The following CMTM8 variants were observed in gnomAD, a reference collection of about 807,000 sequenced individuals.
CMTM8 encodes the protein CKLF like MARVEL transmembrane domain containing 8.
In CMTM8, 12 loss-of-function variants were observed where a neutral mutation model predicts 18.6. The observed-to-expected ratio is 0.65, with a 90% CI of 0.41 to 1.05. CMTM8 has a LOEUF of 1.05. CMTM8 is among the 50% of genes least tolerant of loss of function. CMTM8 has a pLI of 0.00. For synonymous variants in CMTM8, 87 were observed against 90.6 expected (o/e 0.96, Z 0.23); for missense variants, 217 against 227.2 (o/e 0.95, Z 0.29).
Position 32,265,951 on chromosome 3 carries a change from G to A in CMTM8, c.147+26832G>A, listed in dbSNP as rs558666305. ...GACCAATAACAGGCTCTGAAATTGAGGCAATAATTAATAGCTTACCAACCA... is the reference window on the plus strand; with the variant it reads ...GACCAATAACAGGCTCTGAAATTGAAGCAATAATTAATAGCTTACCAACCA... On this transcript the variant is annotated intron_variant, in intron 1 of 3. Transcript: ENST00000307526. Among the ~76,000 whole-genome samples, 21 of 152,304 alleles carry A rather than the reference G, an allele frequency of 1.4e-4. No homozygotes were observed. In the South Asian group the frequency reaches 3.7e-3, roughly 27 times the overall value.
chr3:32,260,664 T>TAA (rs1235238776), intron 1 of CMTM8, among the ~76,000 whole-genome samples: 3 of 113,974 alleles, frequency 2.6e-5, no homozygotes, highest in Non-Finnish European at 1.8e-5. Context: ...GTGATTTTTT[T>TAA]AAAGTTTTTT....
At chr3:32,260,358 A>G in intron 1 of CMTM8, 1 of 540,272 alleles carries the variant, frequency 1.9e-6, no homozygotes, top group Non-Finnish European at 3.3e-6. Flanking sequence ...TATTTTGCCT[A>G]TATTTTTCAT....
At chr3:32,240,809 A>G (rs1335125813) in intron 1 of CMTM8, among the ~76,000 whole-genome samples, 1 of 152,036 alleles carries the variant, frequency 6.6e-6, no homozygotes, top group Admixed American at 6.6e-5. Flanking sequence ...TTGTTTTGAG[A>G]CAGGGTTTTG....
chr3:32,356,977 G>A (rs1443757404), intron 1 of CMTM8, among the ~76,000 whole-genome samples: 3 of 152,194 alleles, frequency 2.0e-5, no homozygotes, highest in African/African-American at 7.2e-5. Flanking sequence ...GTTGGTCCCT[G>A]CCTGGACTGC....
At chr3:32,284,278 AT>A (rs1460676835) in intron 1 of CMTM8, among the ~76,000 whole-genome samples, 2 of 152,230 alleles carry the variant, frequency 1.3e-5, no homozygotes, top group African/African-American at 4.8e-5. Flanking sequence ...TAACAAAAAA[AT>A]ATATACACTT....
intron 1 of CMTM8, among the ~76,000 whole-genome samples, chr3:32,291,654 A>G (rs998328319): frequency 6.6e-6 from 1 of 152,246 alleles, no homozygotes; most frequent in Non-Finnish European, 1.5e-5. Context: ...AGGGATGAGT[A>G]GTAGCCACTT....
At chr3:32,275,013 C>A (rs1702494031) in intron 1 of CMTM8, among the ~76,000 whole-genome samples, 1 of 152,032 alleles carries the variant, frequency 6.6e-6, no homozygotes, top group African/African-American at 2.4e-5. Context: ...AATCACTTTT[C>A]TTTTTTAAAA....
At chr3:32,314,117 G>A (rs1388369846) in intron 1 of CMTM8, among the ~76,000 whole-genome samples, 1 of 152,198 alleles carries the variant, frequency 6.6e-6, no homozygotes, top group Non-Finnish European at 1.5e-5. Flanking sequence ...CATTTTGGAG[G>A]CTAGTACAGC....
chr3:32,349,643 G>A (rs1225453913), intron 1 of CMTM8, among the ~76,000 whole-genome samples: 1 of 152,156 alleles, frequency 6.6e-6, no homozygotes, highest in Non-Finnish European at 1.5e-5. Context: ...CATCAAGTAC[G>A]TAGAGGACAG....
intron 1 of CMTM8, among the ~76,000 whole-genome samples, chr3:32,292,813 G>A (rs575804784): frequency 1.5e-3 from 223 of 152,160 alleles, no homozygotes; most frequent in Middle Eastern, 6.8e-3. Context: ...TCCAGATGTT[G>A]CCAAATGCTC....
At chr3:32,305,989 A>G (rs534307611) in intron 1 of CMTM8, among the ~76,000 whole-genome samples, 1 of 152,264 alleles carries the variant, frequency 6.6e-6, no homozygotes, top group East Asian at 1.9e-4. Context: ...TGTTGCTTTG[A>G]ATTGCTTTCC....
chr3:32,353,630 G>A (rs1342984169), intron 1 of CMTM8, among the ~76,000 whole-genome samples: 1 of 152,130 alleles, frequency 6.6e-6, no homozygotes, highest in African/African-American at 2.4e-5. Context: ...ATATTTATAA[G>A]GAAGAAAGAG....
chr3:32,265,637 A>T (rs1351927723), intron 1 of CMTM8, among the ~76,000 whole-genome samples: 5 of 152,162 alleles, frequency 3.3e-5, no homozygotes, highest in Admixed American at 3.3e-4. Context: ...GACACAAAAA[A>T]CCCTTCAAAA....
chr3:32,347,280 TG>T (rs1696615329), intron 1 of CMTM8, among the ~76,000 whole-genome samples: 1 of 142,640 alleles, frequency 7.0e-6, no homozygotes, highest in Non-Finnish European at 1.5e-5. Context: ...TTTTGGTTTT[TG>T]GTTTTTTTTG....
intron 1 of CMTM8, among the ~76,000 whole-genome samples, chr3:32,244,551 C>T (rs1385946740): frequency 6.6e-6 from 1 of 152,148 alleles, no homozygotes; most frequent in Non-Finnish European, 1.5e-5. Flanking sequence ...TCCTTTTATA[C>T]TTTTTTCTTT....
In CMTM8 at chr3:32,238,899, G is replaced by A. The variant is rs1411408578; in HGVS notation, c.-74G>A. On this transcript the variant is annotated 5_prime_UTR_variant, in exon 1 of 4. Coordinates refer to ENST00000307526, the MANE Select transcript of CMTM8 (RefSeq NM_178868.5). ...CCCTCCCCCGCGCCTGTGTCCCCAGGGCGCAGGGCCGCGCGTCCAGCCCCA... is the reference window on the plus strand; with the variant it reads ...CCCTCCCCCGCGCCTGTGTCCCCAGAGCGCAGGGCCGCGCGTCCAGCCCCA... 15 of 1,384,314 alleles carry A rather than the reference G, an allele frequency of 1.1e-5. No individual in the cohort carries two copies. Among genetic ancestry groups the A allele is most frequent in the Admixed American group, 6.4e-5 (2 of 31,488 alleles). 85.8% of individuals were successfully genotyped at this position (1,384,314 alleles called of 1,614,324 possible).
chr3:32,305,241 T>TTC (rs1186533032), intron 1 of CMTM8, among the ~76,000 whole-genome samples: 1 of 150,980 alleles, frequency 6.6e-6, no homozygotes. Context: ...GCTTTTTTTT[T>TTC]TTTTTTTCAG....
At chr3:32,298,781 C>T (rs1231863410) in intron 1 of CMTM8, among the ~76,000 whole-genome samples, 1 of 143,826 alleles carries the variant, frequency 7.0e-6, no homozygotes, top group African/African-American at 2.6e-5. Context: ...TAGGGGCATG[C>T]GCCACCACAC....
chr3:32,319,827 A>AGGAAACAACCCTTGGAAGTATT (rs1696007718), intron 1 of CMTM8, among the ~76,000 whole-genome samples: 1 of 152,252 alleles, frequency 6.6e-6, no homozygotes, highest in Non-Finnish European at 1.5e-5. Context: ...ACAGCCCTTG[A>AGGAAACAACCCTTGGAAGTATT]GGAAACAACC....
Sources: gnomAD v4.1 joint callset for allele counts (sites outside exome capture counted in the v4.1 genomes callset) on GRCh38, gnomAD v4.1.1 for gene constraint, MANE v1.5 for transcripts, NCBI Gene and HGNC (gene_info 2026-07-23, HGNC 2026-07-21) for gene names.